GALNT9: variants seen among roughly 807,000 people sequenced by gnomAD.
GALNT9 encodes GalNAc transferase 9.
GALNT9 carries 47 observed loss-of-function variants against 63.1 expected under a neutral mutation model. The ratio of observed to expected loss-of-function variants is 0.75; its 90% confidence interval spans 0.59 to 0.95. The LOEUF (loss-of-function observed/expected upper bound fraction) is 0.95, where lower values mean the gene tolerates loss of function less well. Among genes scored for constraint, GALNT9 ranks in the 40% least tolerant of loss-of-function variants. The pLI, the probability that GALNT9 is intolerant of heterozygous loss-of-function variation, is 0.00. For missense variants in GALNT9, 829 were observed against 874.8 expected, an observed-to-expected ratio of 0.95 and a Z score of 0.66; for synonymous variants, 396 against 365.7, an observed-to-expected ratio of 1.08 and a Z score of -0.94.
In GALNT9 at chr12:132,271,245, G is replaced by A. The variant is rs558825330; in HGVS notation, c.420-8620C>T. Reference sequence around the variant, plus strand: ...CTTGGGGACACGTTTGCCAGCCGACGAAACTCCAGTCACCCGTCACTGCCA... The same window carrying A: ...CTTGGGGACACGTTTGCCAGCCGACAAAACTCCAGTCACCCGTCACTGCCA... On this transcript the variant is annotated intron_variant, in intron 2 of 10. Transcript: ENST00000328957. Among the ~76,000 whole-genome samples, 59 of 152,040 alleles carry A rather than the reference G, an allele frequency of 3.9e-4. 1 individual carries two copies. In the South Asian group the frequency reaches 0.012, roughly 31 times the overall value.
intron 6 of GALNT9, among the ~76,000 whole-genome samples, chr12:132,224,602 CACAA>C (rs1179609043): frequency 7.0e-6 from 1 of 143,000 alleles, no homozygotes; most frequent in Admixed American, 6.9e-5. Context: ...ACCCACACCC[CACAA>C]ACATACACCC....
intron 4 of GALNT9, among the ~76,000 whole-genome samples, chr12:132,258,181 C>T (rs1245231675): frequency 3.3e-5 from 5 of 152,216 alleles, no homozygotes; most frequent in African/African-American, 1.2e-4. Flanking sequence ...GAAGGGCTGC[C>T]CAGGGGTCCA....
chr12:132,276,795 C>T (rs1880110965), intron 2 of GALNT9, among the ~76,000 whole-genome samples: 1 of 152,224 alleles, frequency 6.6e-6, no homozygotes. Flanking sequence ...ATTAGACAAG[C>T]ATCTACCGTC....
chr12:132,239,131 TG>T (rs1460219629), intron 6 of GALNT9, among the ~76,000 whole-genome samples: 4 of 93,566 alleles, frequency 4.3e-5, no homozygotes, highest in Non-Finnish European at 8.2e-5. Flanking sequence ...TATCTTCATG[TG>T]GGGGTGGGGG....
At chr12:132,267,950 TAC>T (rs201819984) in intron 2 of GALNT9, among the ~76,000 whole-genome samples, 2,212 of 128,194 alleles carry the variant, frequency 0.017, 56 homozygotes, top group African/African-American at 0.065. Context: ...CGCACTCACA[TAC>T]AGTCACACAC....
rs1308736969 is a variant in GALNT9 at position 132,240,824 on chromosome 12, G to T, written c.1077+7086C>A. The T allele has an allele frequency of 3.3e-5, 13 of 389,550 alleles. 1 individual carries two copies. The highest frequency in any genetic ancestry group is 2.5e-5 in the Non-Finnish European group (5 of 197,976). 24.1% of individuals were successfully genotyped at this position (389,550 alleles called of 1,614,324 possible). A position where few individuals can be genotyped will look rare whatever the true frequency, so the allele number is the denominator to read the frequency against. ...CATGCCACACACCCTTCCCAAGGCC[G>T]TCCCTATACCCATTACACACACACC... is the stretch of plus-strand genomic sequence containing the variant. On this transcript the variant is annotated intron_variant, in intron 6 of 10. Coordinates refer to ENST00000328957, the MANE Select transcript of GALNT9 (RefSeq NM_001122636.2).
chr12:132,267,651 G>A (rs1879652142), intron 2 of GALNT9, among the ~76,000 whole-genome samples: 1 of 152,106 alleles, frequency 6.6e-6, no homozygotes, highest in Non-Finnish European at 1.5e-5. Flanking sequence ...GGGCAACACT[G>A]GTGTGAAGCT....
intron 7 of GALNT9, among the ~76,000 whole-genome samples, chr12:132,202,230 G>A (rs1448644683): frequency 3.9e-5 from 6 of 152,228 alleles, no homozygotes; most frequent in African/African-American, 1.4e-4. Flanking sequence ...CTCACTGCCC[G>A]GGGGCCTGGA....
chr12:132,197,744 AGCCCT>A lies in GALNT9; in HGVS notation c.1665+43_1665+47del, dbSNP rs965820098. The stretch of plus-strand genomic sequence containing the variant: ...GGCAGAGGCACCCAGGGGTCCCAGC[AGCCCT>A]GCCCCGCCCCAACCCCACGGCCCCC... On this transcript the variant is annotated intron_variant, in intron 10 of 10. Coordinates refer to ENST00000328957, the MANE Select transcript of GALNT9 (RefSeq NM_001122636.2). 1.3e-5 allele frequency: 18 copies of A among 1,365,450 alleles called. No homozygotes were observed. In the African/African-American group the frequency reaches 2.7e-4, roughly 20 times the overall value. 84.6% of individuals were successfully genotyped at this position (1,365,450 alleles called of 1,614,324 possible).
At chr12:132,247,347 G>T (rs1175588920) in intron 6 of GALNT9, 4 of 343,944 alleles carry the variant, frequency 1.2e-5, no homozygotes, top group Non-Finnish European at 2.3e-5. Flanking sequence ...AAATAAAGTA[G>T]ACATGGGAAA....
At chr12:132,263,878 C>T (rs1166703181) in intron 2 of GALNT9, among the ~76,000 whole-genome samples, 1 of 152,210 alleles carries the variant, frequency 6.6e-6, no homozygotes, top group African/African-American at 2.4e-5. Flanking sequence ...GTGGACTCCA[C>T]CCTTCTTTCT....
At position 132,265,115 on chromosome 12, in the gene GALNT9, A is replaced by G. The variant is rs1228250291; in HGVS notation, c.420-2490T>C. 1.3e-5 allele frequency among the ~76,000 whole-genome samples: 2 copies of G among 152,214 alleles called. No homozygotes were observed. Among genetic ancestry groups the G allele is most frequent in the Admixed American group, 6.5e-5 (1 of 15,284 alleles). On this transcript the variant is annotated intron_variant, in intron 2 of 10. Transcript: ENST00000328957. This position sits in a 1 kb window ranked among gnomAD's most constrained non-coding sequence, Gnocchi z 5.3. ...ACTCTTCCAAATCTCGCTTTTCTGC[A>G]AGGCTCAACCCAGCCCCAAGAAAAA...
chr12:132,210,231 C>T (rs140372245), intron 6 of GALNT9, among the ~76,000 whole-genome samples: 80 of 152,342 alleles, frequency 5.3e-4, no homozygotes, highest in Non-Finnish European at 1.0e-3. Flanking sequence ...CCCTGCTGCG[C>T]GTGGGCGTTG....
chr12:132,224,621 C>G lies in GALNT9; in HGVS notation c.1078-20931G>C, dbSNP rs1335265469. On this transcript the variant is annotated intron_variant, in intron 6 of 10. Transcript: ENST00000328957. The stretch of plus-strand genomic sequence containing the variant: ...ACACCCCACAAACATACACCCCATA[C>G]ACCCCATATACACACCCCAGCGTAC... Among the ~76,000 whole-genome samples, 3 of 45,148 alleles carry G rather than the reference C, an allele frequency of 6.6e-5. No homozygotes were observed. The East Asian group carries it at 2.6e-3, about 39-fold the overall frequency. 29.6% of individuals were successfully genotyped at this position (45,148 alleles called of 152,430 possible). A position where few individuals can be genotyped will look rare whatever the true frequency, so the allele number is the denominator to read the frequency against.
intron 1 of GALNT9, among the ~76,000 whole-genome samples, chr12:132,317,415 C>T (rs1475976435): frequency 6.6e-6 from 1 of 152,228 alleles, no homozygotes; most frequent in Non-Finnish European, 1.5e-5. Context: ...AGGCCCAGGC[C>T]TTGGACTTGC....
chr12:132,219,382 G>T (rs139020366), intron 6 of GALNT9, among the ~76,000 whole-genome samples: 306 of 152,346 alleles, frequency 2.0e-3, no homozygotes, highest in Non-Finnish European at 3.5e-3. Flanking sequence ...GAAACAAGGT[G>T]AAATTCTCCA....
intron 6 of GALNT9, among the ~76,000 whole-genome samples, chr12:132,213,658 G>T (rs2135515396): frequency 6.6e-6 from 1 of 152,340 alleles, no homozygotes; most frequent in Middle Eastern, 3.4e-3. Context: ...TACCTGCAGG[G>T]ACAGCTCATT....
At chr12:132,201,472 C>T (rs1003928576) in intron 7 of GALNT9, among the ~76,000 whole-genome samples, 23 of 152,150 alleles carry the variant, frequency 1.5e-4, no homozygotes, top group Non-Finnish European at 2.6e-4. Context: ...ATGGGAAGGA[C>T]CCTGCCAGAG....
intron 7 of GALNT9, 25 bp from the exon 8 acceptor site, chr12:132,201,286 G>C (rs1565982082): frequency 1.3e-6 from 2 of 1,565,642 alleles, no homozygotes; most frequent in Non-Finnish European, 8.8e-7. Context: ...GTAGGTGAGA[G>C]GGTACATGGG....
Sources: gnomAD v4.1 joint callset for allele counts (sites outside exome capture counted in the v4.1 genomes callset) on GRCh38, gnomAD v4.1.1 for gene constraint, Gnocchi (gnomAD v3.1) non-coding constraint, MANE v1.5 for transcripts, NCBI Gene and HGNC (gene_info 2026-07-23, HGNC 2026-07-21) for gene names.